PHACTR3: variants seen among roughly 807,000 people sequenced by gnomAD.
PHACTR3 encodes phosphatase and actin regulator 3, also known as protein phosphatase 1, regulatory subunit 123.
In PHACTR3, 16 loss-of-function variants were observed where a neutral mutation model predicts 66.8. That is an observed-to-expected ratio of 0.24 (90% CI 0.16 to 0.36). The LOEUF (loss-of-function observed/expected upper bound fraction) is 0.36, where lower values mean the gene tolerates loss of function less well. PHACTR3 is among the 10% of genes least tolerant of loss of function. The pLI, the probability that PHACTR3 is intolerant of heterozygous loss-of-function variation, is 1.00. For synonymous variants in PHACTR3, 323 were observed against 292.1 expected (o/e 1.11, Z -1.08); for missense variants, 647 against 719.9 (o/e 0.90, Z 1.16).
At chr20:59,814,854 C>A (rs1351871279) in intron 8 of PHACTR3, among the ~76,000 whole-genome samples, 1 of 152,106 alleles carries the variant, frequency 6.6e-6, no homozygotes, top group Non-Finnish European at 1.5e-5. Flanking sequence ...GTTCTGAAGC[C>A]TGTGGGGCCT....
chr20:59,837,498 C>G (rs772038020), intron 9 of PHACTR3, among the ~76,000 whole-genome samples: 1 of 152,272 alleles, frequency 6.6e-6, no homozygotes, highest in South Asian at 2.1e-4. Context: ...CTAAAACAAT[C>G]CCCTCCTTTA....
intron 5 of PHACTR3, among the ~76,000 whole-genome samples, chr20:59,770,792 C>G (rs191933853): frequency 1.3e-5 from 2 of 152,342 alleles, no homozygotes; most frequent in East Asian, 3.9e-4. Context: ...TTTCACCTGC[C>G]TGGTCCCTGG....
At chr20:59,661,831 T>TCGG (rs2035815556) in intron 1 of PHACTR3, among the ~76,000 whole-genome samples, 1 of 151,988 alleles carries the variant, frequency 6.6e-6, no homozygotes, top group South Asian at 2.1e-4. Flanking sequence ...ACGACTGGCT[T>TCGG]CGGCAGTTAG....
intron 1 of PHACTR3, among the ~76,000 whole-genome samples, chr20:59,652,614 C>A (rs2035492694): frequency 6.6e-6 from 1 of 152,090 alleles, no homozygotes. Context: ...CTATAATTTC[C>A]ATTAGATTCT....
chr20:59,603,081 T>A (rs1245244300), upstream of PHACTR3, among the ~76,000 whole-genome samples: 1 of 152,216 alleles, frequency 6.6e-6, no homozygotes, highest in African/African-American at 2.4e-5. Context: ...CACTTCACCA[T>A]CCAGCCAGCA....
intron 7 of PHACTR3, among the ~76,000 whole-genome samples, chr20:59,805,770 A>G (rs902022034): frequency 1.1e-4 from 17 of 152,220 alleles, no homozygotes; most frequent in African/African-American, 3.9e-4. Context: ...CATCTGGGAC[A>G]GCAGGTGTCA....
chr20:59,805,704 A>G (rs574471405), intron 7 of PHACTR3, among the ~76,000 whole-genome samples: 2 of 152,184 alleles, frequency 1.3e-5, no homozygotes, highest in Non-Finnish European at 2.9e-5. Context: ...TCACTGTGTC[A>G]TTTTTGGTCC....
At position 59,709,249 on chromosome 20, in the gene PHACTR3, G is replaced by C. The variant is rs572005076; in HGVS notation, c.119-33858G>C. Among the ~76,000 whole-genome samples, 8 of 152,280 alleles carry C rather than the reference G, an allele frequency of 5.3e-5. No homozygotes were observed. In the East Asian group the frequency reaches 5.8e-4, roughly 11 times the overall value. ...CAAAACACACCTACAGTTTTTCTGA[G>C]ATGTACCTTTTCCATAGATCTAAGA... is the stretch of plus-strand genomic sequence containing the variant. On this transcript the variant is annotated intron_variant, in intron 1 of 12. Transcript: ENST00000371015.
At chr20:59,807,141 A>G (rs1251062230) in intron 8 of PHACTR3, among the ~76,000 whole-genome samples, 3 of 152,186 alleles carry the variant, frequency 2.0e-5, no homozygotes, top group Non-Finnish European at 2.9e-5. Flanking sequence ...TTTTTCTTTA[A>G]TAGTAACTTT....
At chr20:59,628,475 C>G (rs1302053694) in intron 1 of PHACTR3, 1 of 223,562 alleles carries the variant, frequency 4.5e-6, no homozygotes, top group African/African-American at 2.3e-5. Flanking sequence ...TCCCCGCAGC[C>G]TGCACGTGAA....
Position 59,841,493 on chromosome 20 carries a change from G to A in PHACTR3, c.1545G>A (p.Arg515=). The A allele has an allele frequency of 6.2e-7, 1 of 1,613,538 alleles. No homozygotes were observed. Among genetic ancestry groups the A allele is most frequent in the Non-Finnish European group, 8.5e-7 (1 of 1,179,672 alleles). ...TAGCAAAAGCGCAGGACTATGACAG[G>A]AGGGCAGACAAACCCTGGACGAGAC... The part of the protein sequence containing the change: ...VEVAKAQDYD[R]RADKPWTRLS... Residue 515 remains arginine (R), a synonymous_variant, in exon 11 of 13, where the codon AGG becomes AGA. Transcript: ENST00000371015.
chr20:59,598,392 G>A (rs1410290100), intron 1 of PHACTR3, among the ~76,000 whole-genome samples: 1 of 152,168 alleles, frequency 6.6e-6, no homozygotes. Flanking sequence ...ACTTACACAC[G>A]GAGGCTCAGC....
intron 1 of PHACTR3, among the ~76,000 whole-genome samples, chr20:59,635,074 T>G (rs2034798465): frequency 6.6e-6 from 1 of 151,762 alleles, no homozygotes; most frequent in Non-Finnish European, 1.5e-5. Flanking sequence ...TTTCTTTTTC[T>G]GTTCTTTTTT....
upstream of PHACTR3, among the ~76,000 whole-genome samples, chr20:59,600,487 G>T (rs747385788): frequency 6.6e-6 from 1 of 152,180 alleles, no homozygotes; most frequent in African/African-American, 2.4e-5. Flanking sequence ...CTTGGGAGGT[G>T]TGTGGGGGTG....
chr20:59,700,756 T>C (rs1030475969), intron 1 of PHACTR3, among the ~76,000 whole-genome samples: 16 of 152,108 alleles, frequency 1.1e-4, no homozygotes, highest in Non-Finnish European at 2.1e-4. Flanking sequence ...TTCCATGCTC[T>C]GTACTTTTGT....
chr20:59,713,900 C>A (rs946824825), intron 1 of PHACTR3, among the ~76,000 whole-genome samples: 1 of 152,100 alleles, frequency 6.6e-6, no homozygotes, highest in Non-Finnish European at 1.5e-5. Flanking sequence ...TTTAATCTCC[C>A]CCACCCACCC....
chr20:59,762,761 T>G (rs2040036719), intron 4 of PHACTR3, among the ~76,000 whole-genome samples: 1 of 145,338 alleles, frequency 6.9e-6, no homozygotes, highest in African/African-American at 2.5e-5. Context: ...TCCACTGGGG[T>G]GGGAAGCATT....
intron 1 of PHACTR3, among the ~76,000 whole-genome samples, chr20:59,608,251 A>G (rs376327635): frequency 2.5e-4 from 38 of 152,222 alleles, no homozygotes; most frequent in Middle Eastern, 3.4e-3. Flanking sequence ...GTCTGTGGCC[A>G]TGGACTGTGT....
chr20:59,584,642 A>C (rs1475078808), intron 1 of PHACTR3, among the ~76,000 whole-genome samples: 1 of 152,116 alleles, frequency 6.6e-6, no homozygotes, highest in African/African-American at 2.4e-5. Flanking sequence ...CTCTGACCAG[A>C]GGCTTAGGAG....
Sources: gnomAD v4.1 joint callset for allele counts (sites outside exome capture counted in the v4.1 genomes callset) on GRCh38, gnomAD v4.1.1 for gene constraint, MANE v1.5 for transcripts, NCBI Gene and HGNC (gene_info 2026-07-23, HGNC 2026-07-21) for gene names.